The following GRIP1 variants were observed in gnomAD, a reference collection of about 807,000 sequenced individuals.
GRIP1 encodes glutamate receptor-interacting protein 1.
GRIP1 carries 45 observed loss-of-function variants against 129.9 expected under a neutral mutation model. The ratio of observed to expected loss-of-function variants is 0.35; its 90% CI spans 0.27 to 0.44. GRIP1 has a LOEUF of 0.44. GRIP1 is among the 20% of genes least tolerant of loss of function. The probability of loss-of-function intolerance (pLI) is 1.00; values close to 1 mark genes in which losing one functional copy is unlikely to be tolerated. For synonymous variants in GRIP1, 530 were observed against 520.8 expected, an observed-to-expected ratio of 1.02 and a Z score of -0.24; for missense variants, 1,196 against 1,396.8, an observed-to-expected ratio of 0.86 and a Z score of 2.29.
chr12:66,868,896 G>A (rs912843745), intron 1 of GRIP1, among the ~76,000 whole-genome samples: 8 of 152,050 alleles, frequency 5.3e-5, no homozygotes, highest in African/African-American at 1.4e-4. Flanking sequence ...ACAACTTGTC[G>A]TTTACAAAGT....
At chr12:66,857,194 A>T (rs2040021226) in intron 1 of GRIP1, among the ~76,000 whole-genome samples, 2 of 143,966 alleles carry the variant, frequency 1.4e-5, no homozygotes, top group East Asian at 2.3e-4. Flanking sequence ...GGACACAGGA[A>T]GAGGAACATC....
chr12:66,492,473 C>T (rs2138681337), intron 7 of GRIP1, among the ~76,000 whole-genome samples: 1 of 152,124 alleles, frequency 6.6e-6, no homozygotes, highest in South Asian at 2.1e-4. Context: ...ACCGGGAAGC[C>T]TGACCAGGGA....
At chr12:66,786,435 T>G (rs2038348496) in intron 1 of GRIP1, among the ~76,000 whole-genome samples, 1 of 152,088 alleles carries the variant, frequency 6.6e-6, no homozygotes. Context: ...GGGGACAGCT[T>G]CAGGAGGCAA....
At chr12:66,519,621 T>C (rs938823490) in intron 5 of GRIP1, among the ~76,000 whole-genome samples, 1 of 152,228 alleles carries the variant, frequency 6.6e-6, no homozygotes, top group Non-Finnish European at 1.5e-5. Context: ...ATGAACCAAG[T>C]TCCCTGTGTG....
At chr12:66,660,230 A>G (rs1022482291) in intron 1 of GRIP1, among the ~76,000 whole-genome samples, 1 of 152,074 alleles carries the variant, frequency 6.6e-6, no homozygotes, top group Non-Finnish European at 1.5e-5. Context: ...ATGGTCTATA[A>G]AATTCATACC....
chr12:67,025,527 C>T (rs2042930463), intron 1 of GRIP1, among the ~76,000 whole-genome samples: 1 of 152,204 alleles, frequency 6.6e-6, no homozygotes, highest in Admixed American at 6.5e-5. Context: ...CTTTGGCCTT[C>T]TGTTTCCATA....
chr12:66,447,123 G>T (rs546556815), intron 11 of GRIP1, among the ~76,000 whole-genome samples: 1 of 152,184 alleles, frequency 6.6e-6, no homozygotes, highest in Admixed American at 6.5e-5. Context: ...GCCTCATGTG[G>T]GGATCTGGTA....
chr12:66,519,143 G>T (rs7955946), intron 5 of GRIP1, among the ~76,000 whole-genome samples: 13,294 of 152,106 alleles, frequency 0.087, 715 homozygotes, highest in East Asian at 0.24. Context: ...TAGCCTAAGA[G>T]AAAAATTAAA....
intron 1 of GRIP1, among the ~76,000 whole-genome samples, chr12:66,819,671 A>C (rs542533888): frequency 6.6e-6 from 1 of 152,238 alleles, no homozygotes; most frequent in Non-Finnish European, 1.5e-5. Flanking sequence ...TACTGTCAAC[A>C]TTCAAACTAA....
At chr12:67,006,158 G>C (rs763462248) in intron 1 of GRIP1, among the ~76,000 whole-genome samples, 3 of 152,136 alleles carry the variant, frequency 2.0e-5, no homozygotes, top group Non-Finnish European at 4.4e-5. Context: ...GGGGTAGAAA[G>C]AGACATCCAG....
At chr12:66,724,443 G>T (rs2036189372) in intron 1 of GRIP1, among the ~76,000 whole-genome samples, 1 of 152,112 alleles carries the variant, frequency 6.6e-6, no homozygotes, top group Admixed American at 6.5e-5. Flanking sequence ...CTGTATCACG[G>T]TTCCTTATTT....
intron 15 of GRIP1, among the ~76,000 whole-genome samples, chr12:66,412,104 A>G (rs1039209468): frequency 8.5e-5 from 13 of 152,240 alleles, no homozygotes; most frequent in Non-Finnish European, 1.5e-4. Context: ...AGACAGGCCA[A>G]CATTCAAATT....
rs921690688 is a variant in GRIP1, at chr12:66,894,461, A to G, written c.58+174589T>C. 5.3e-5 allele frequency among the ~76,000 whole-genome samples: 8 copies of G among 152,282 alleles called. No homozygotes were observed. The South Asian group carries it at 1.7e-3, about 32-fold the overall frequency. ...GAGTTCCAGACAATTCATAACTTAT[A>G]GTTTGATACACTTTTTAATTTTTGC... is the stretch of plus-strand genomic sequence containing the variant. On this transcript the variant is annotated intron_variant, in intron 1 of 1. Coordinates refer to the GRIP1 transcript ENST00000643019.
chr12:66,905,399 G>T (rs1286816646), intron 1 of GRIP1, among the ~76,000 whole-genome samples: 1 of 152,198 alleles, frequency 6.6e-6, no homozygotes, highest in African/African-American at 2.4e-5. Flanking sequence ...AATTACATAG[G>T]TCAGTAGTTG....
intron 1 of GRIP1, among the ~76,000 whole-genome samples, chr12:66,611,261 T>A (rs1488165161): frequency 1.3e-5 from 2 of 152,166 alleles, no homozygotes; most frequent in African/African-American, 4.8e-5. Context: ...AGGAGATGAT[T>A]TCAAATGACA....
chr12:66,758,651 T>C (rs2136657275), intron 1 of GRIP1, among the ~76,000 whole-genome samples: 1 of 152,278 alleles, frequency 6.6e-6, no homozygotes, highest in South Asian at 2.1e-4. Context: ...AAAAGCAAGC[T>C]AGTTATTTCC....
intron 1 of GRIP1, among the ~76,000 whole-genome samples, chr12:66,636,993 T>A (rs772698845): frequency 3.3e-5 from 5 of 152,240 alleles, no homozygotes; most frequent in Admixed American, 1.3e-4. Flanking sequence ...CACATGCTGC[T>A]GATGGGAGGG....
intron 19 of GRIP1, among the ~76,000 whole-genome samples, chr12:66,388,392 A>T (rs2056446456): frequency 6.6e-6 from 1 of 152,232 alleles, no homozygotes; most frequent in African/African-American, 2.4e-5. Flanking sequence ...TAGCTATCTG[A>T]GTTGAGAGTC....
At chr12:66,521,758 A>G (rs567536869) in intron 5 of GRIP1, among the ~76,000 whole-genome samples, 4 of 152,336 alleles carry the variant, frequency 2.6e-5, no homozygotes, top group Non-Finnish European at 4.4e-5. Flanking sequence ...CTAGTCAAAG[A>G]AAGGGGTGAC....
Sources: allele counts gnomAD v4.1 joint callset (sites outside exome capture counted in the v4.1 genomes callset), GRCh38; gene constraint gnomAD v4.1.1; transcripts MANE v1.5; gene names NCBI Gene and HGNC (gene_info 2026-07-23, HGNC 2026-07-21).